OPRM1: variants seen among roughly 807,000 people sequenced by gnomAD.
OPRM1 encodes mu-type opioid receptor.
Under a neutral mutation model 31.8 loss-of-function variants are expected in OPRM1, and 27 were observed. The observed-to-expected ratio is 0.85, with a 90% CI of 0.63 to 1.17. OPRM1 has a LOEUF of 1.17. Among genes scored for constraint, OPRM1 ranks in the 50% most tolerant of loss-of-function variants. OPRM1 has a pLI of 0.00. For synonymous variants in OPRM1, 196 were observed against 189.9 expected (o/e 1.03, Z -0.26); for missense variants, 536 against 511.1 (o/e 1.05, Z -0.47).
In OPRM1 at chr6:154,131,138, TAGAAA is replaced by T. The variant is rs1383584704; in HGVS notation, c.*12426_*12430del. On this transcript the variant is annotated 3_prime_UTR_variant, in exon 4 of 4. Transcript: ENST00000330432. The stretch of plus-strand genomic sequence containing the variant: ...TTTGCTATCCAAATATAATTTCCAC[TAGAAA>T]AGAAAAGATGTCCTCCATGTTTTAA... Among the ~76,000 whole-genome samples, 11 of 152,158 alleles carry T rather than the reference TAGAAA, an allele frequency of 7.2e-5. No homozygotes were observed. Among genetic ancestry groups the T allele is most frequent in the Admixed American group, 7.2e-4 (11 of 15,264 alleles).
At position 154,091,051 on chromosome 6, in the gene OPRM1, T is replaced by C; in HGVS notation, c.743T>C (p.Leu248Pro). 1.2e-6 allele frequency: 2 copies of C among 1,614,200 alleles called. No homozygotes were observed. Among genetic ancestry groups the C allele is most frequent in the Non-Finnish European group, 8.5e-7 (1 of 1,180,030 alleles). ...VFIFAFIMPV[L>P]IITVCYGLMI... Reference sequence around the variant, plus strand: ...ATCTTCGCCTTCATTATGCCAGTGCTCATCATTACCGTGTGCTATGGACTG... The same window carrying C: ...ATCTTCGCCTTCATTATGCCAGTGCCCATCATTACCGTGTGCTATGGACTG... The change falls in exon 3 of 4, where the codon CTC (leucine) becomes CCC (proline). Residue 248 changes from leucine to proline, a missense_variant. Coordinates refer to ENST00000330432, the MANE Select transcript of OPRM1 (RefSeq NM_000914.5).
At chr6:154,086,829 C>A in intron 1 of OPRM1, 1 of 985,206 alleles carries the variant, frequency 1.0e-6, no homozygotes, top group Non-Finnish European at 1.2e-6. Flanking sequence ...GGTCTATAAC[C>A]AACGGTGAAT....
intron 3 of OPRM1, among the ~76,000 whole-genome samples, chr6:154,152,347 G>GAAAGGAA: frequency 3.1e-5 from 2 of 65,132 alleles, no homozygotes; most frequent in African/African-American, 5.6e-5. Flanking sequence ...AAGAAAGAAA[G>GAAAGGAA]GAAAGAAAGA....
chr6:154,031,613 C>T (rs116035952), intron 1 of OPRM1, among the ~76,000 whole-genome samples: 4,422 of 151,958 alleles, frequency 0.029, 204 homozygotes, highest in African/African-American at 0.1. Context: ...TAGTCGTGCA[C>T]GCCTGTAATT....
intron 3 of OPRM1, among the ~76,000 whole-genome samples, chr6:154,092,235 A>G (rs1792432941): frequency 6.6e-6 from 1 of 152,190 alleles, no homozygotes; most frequent in Non-Finnish European, 1.5e-5. Flanking sequence ...TATTATAATC[A>G]TATGGGAAAT....
intron 3 of OPRM1, among the ~76,000 whole-genome samples, chr6:154,242,318 G>A (rs1780662188): frequency 6.6e-6 from 1 of 152,174 alleles, no homozygotes; most frequent in Non-Finnish European, 1.5e-5. Context: ...AAGAATAGAG[G>A]TGGAAATCCT....
chr6:154,238,983 C>A (rs1780364922), intron 3 of OPRM1, among the ~76,000 whole-genome samples: 1 of 151,866 alleles, frequency 6.6e-6, no homozygotes, highest in Non-Finnish European at 1.5e-5. Context: ...GCACTGTCCA[C>A]CAGAGAAAAG....
In OPRM1 at chr6:154,196,417, TA is replaced by T. The variant is rs531994789; in HGVS notation, c.1165-50275del. ...GCCTGCCTCTTCTTTAACAATGTTT[TA>T]TTTTTTTTAATTAAGCTTGTTATCT... On this transcript the variant is annotated intron_variant, in intron 3 of 3. Transcript: ENST00000337049. Among the ~76,000 whole-genome samples the T allele has an allele frequency of 1.4e-3, 210 of 152,280 alleles. 1 individual carries two copies. The highest frequency in any genetic ancestry group is 3.5e-3 in the African/African-American group (146 of 41,524).
chr6:154,214,002 T>G (rs1778179833), intron 3 of OPRM1, among the ~76,000 whole-genome samples: 1 of 152,190 alleles, frequency 6.6e-6, no homozygotes. Context: ...GTGGGTGAAG[T>G]GTGAAAAGCA....
intron 3 of OPRM1, among the ~76,000 whole-genome samples, chr6:154,205,317 A>G (rs1286949020): frequency 6.6e-6 from 1 of 152,166 alleles, no homozygotes; most frequent in Non-Finnish European, 1.5e-5. Flanking sequence ...AACATTGGCT[A>G]GATGTGGAGG....
chr6:154,046,887 T>C (rs181270757), intron 1 of OPRM1: 1 of 152,316 alleles, frequency 6.6e-6, no homozygotes, highest in East Asian at 1.9e-4. Flanking sequence ...TCAATGACTA[T>C]TAAGAGCATG....
At chr6:154,082,557 T>C (rs1447741198) in intron 1 of OPRM1, among the ~76,000 whole-genome samples, 3 of 152,208 alleles carry the variant, frequency 2.0e-5, no homozygotes, top group Non-Finnish European at 4.4e-5. Context: ...GTTGTCTTCT[T>C]TGTTGTTCCT....
intron 3 of OPRM1, among the ~76,000 whole-genome samples, chr6:154,138,417 A>T (rs535262046): frequency 6.6e-6 from 1 of 152,346 alleles, no homozygotes; most frequent in East Asian, 1.9e-4. Context: ...TTATATCAGC[A>T]AGTATCTGGA....
intron 1 of OPRM1, among the ~76,000 whole-genome samples, chr6:154,056,786 A>C (rs1445459691): frequency 2.0e-5 from 3 of 152,162 alleles, no homozygotes; most frequent in Non-Finnish European, 4.4e-5. Context: ...CGTTGCCAGC[A>C]GTATAACCTG....
intron 1 of OPRM1, among the ~76,000 whole-genome samples, chr6:154,058,508 T>C (rs1421201048): frequency 6.6e-6 from 1 of 152,158 alleles, no homozygotes; most frequent in Non-Finnish European, 1.5e-5. Flanking sequence ...TTAGCCCACA[T>C]GAGAAACATC....
chr6:154,055,136 C>T (rs1782986171), intron 1 of OPRM1, among the ~76,000 whole-genome samples: 1 of 152,196 alleles, frequency 6.6e-6, no homozygotes, highest in African/African-American at 2.4e-5. Context: ...GCCTGTAATC[C>T]CAGCACTTTG....
chr6:154,222,089 C>T (rs1281643253), intron 3 of OPRM1, among the ~76,000 whole-genome samples: 2 of 152,158 alleles, frequency 1.3e-5, no homozygotes, highest in Non-Finnish European at 2.9e-5. Flanking sequence ...AGGTATGGAA[C>T]GTCCACTCTG....
At chr6:154,212,633 T>C (rs1262228542) in intron 3 of OPRM1, 1 of 619,970 alleles carries the variant, frequency 1.6e-6, no homozygotes, top group Non-Finnish European at 2.9e-6. Flanking sequence ...CCCTGAAAAT[T>C]GCACTTGCTC....
At chr6:154,089,741 T>C (rs1791581521) in intron 1 of OPRM1, 85 bp from the exon 2 acceptor site, 1 of 927,686 alleles carries the variant, frequency 1.1e-6, no homozygotes, top group Admixed American at 2.5e-5. Flanking sequence ...TTCTACTAAT[T>C]CATGCAAATT....
Sources: allele counts gnomAD v4.1 joint callset (sites outside exome capture counted in the v4.1 genomes callset), GRCh38; gene constraint gnomAD v4.1.1; transcripts MANE v1.5; gene names NCBI Gene and HGNC (gene_info 2026-07-23, HGNC 2026-07-21).